The following HECTD2 variants were observed in gnomAD, a reference collection of about 807,000 sequenced individuals.
HECTD2 encodes probable E3 ubiquitin-protein ligase HECTD2.
A neutral mutation model predicts 103.2 loss-of-function variants in HECTD2; 35 were observed. That is an observed-to-expected ratio of 0.34 (90% CI 0.26 to 0.45). The LOEUF (loss-of-function observed/expected upper bound fraction) is 0.45, where lower values mean the gene tolerates loss of function less well. HECTD2 is among the 20% of genes least tolerant of loss of function. The pLI, the probability that HECTD2 is intolerant of heterozygous loss-of-function variation, is 1.00. For missense variants in HECTD2, 596 were observed against 937.4 expected, an observed-to-expected ratio of 0.64 and a Z score of 4.76; for synonymous variants, 281 against 329.9, an observed-to-expected ratio of 0.85 and a Z score of 1.61.
intron 18 of HECTD2, 100 bp from the exon 19 acceptor site, chr10:91,500,402 G>T: frequency 2.0e-5 from 8 of 408,008 alleles, no homozygotes; most frequent in Non-Finnish European, 3.8e-5. Context: ...TTTACTATGA[G>T]AAATCATGAC....
intron 12 of HECTD2, among the ~76,000 whole-genome samples, chr10:91,491,550 G>C (rs967465481): frequency 1.3e-5 from 2 of 152,050 alleles, no homozygotes; most frequent in African/African-American, 4.8e-5. Flanking sequence ...TAATTCCCTA[G>C]AAAAGGATTT....
chr10:91,432,790 T>C (rs572061581), intron 2 of HECTD2, among the ~76,000 whole-genome samples: 1 of 152,044 alleles, frequency 6.6e-6, no homozygotes, highest in Admixed American at 6.6e-5. Flanking sequence ...AGAACCTTGA[T>C]ATGACATAAT....
At chr10:91,425,251 A>G in intron 1 of HECTD2, 30 bp from the exon 2 acceptor site, 1 of 1,429,716 alleles carries the variant, frequency 7.0e-7, no homozygotes, top group African/African-American at 1.4e-5. Flanking sequence ...AGTAGGAAGT[A>G]TACTGCAATG....
chr10:91,507,775 A>T (rs1847249772), intron 20 of HECTD2, among the ~76,000 whole-genome samples: 1 of 130,746 alleles, frequency 7.6e-6, no homozygotes, highest in African/African-American at 3.5e-5. Context: ...AAACTACTTT[A>T]AAGTTCATAT....
At chr10:91,472,374 A>T (rs990042774) in intron 5 of HECTD2, among the ~76,000 whole-genome samples, 1 of 152,238 alleles carries the variant, frequency 6.6e-6, no homozygotes, top group South Asian at 2.1e-4. Context: ...CCTAGGAAAT[A>T]TCATTCTGGA....
At chr10:91,471,821 A>T (rs1845738778) in intron 5 of HECTD2, among the ~76,000 whole-genome samples, 1 of 152,226 alleles carries the variant, frequency 6.6e-6, no homozygotes, top group African/African-American at 2.4e-5. Context: ...ATGAACAAAC[A>T]AATGGTAAAA....
chr10:91,415,383 T>A (rs1209080736), intron 1 of HECTD2, among the ~76,000 whole-genome samples: 2 of 152,146 alleles, frequency 1.3e-5, no homozygotes, highest in African/African-American at 4.8e-5. Context: ...ACTACAGATA[T>A]TACAAATATA....
chr10:91,420,598 A>G (rs917124213), intron 1 of HECTD2, among the ~76,000 whole-genome samples: 6 of 152,048 alleles, frequency 3.9e-5, no homozygotes, highest in Non-Finnish European at 8.8e-5. Flanking sequence ...AAAAGAAAAA[A>G]AAAAAAAGAA....
chr10:91,461,812 G>A (rs1343987156), intron 4 of HECTD2, among the ~76,000 whole-genome samples: 1 of 152,086 alleles, frequency 6.6e-6, no homozygotes, highest in Non-Finnish European at 1.5e-5. Flanking sequence ...GCCTCCCAAA[G>A]TTGCTGGGAT....
intron 4 of HECTD2, 81 bp downstream of exon 4, chr10:91,461,437 C>T: frequency 1.5e-6 from 1 of 665,580 alleles, no homozygotes; most frequent in Middle Eastern, 2.8e-4. Flanking sequence ...TCATTTTCTA[C>T]CCAATATTGA....
At chr10:91,478,113 A>G in intron 5 of HECTD2, 88 bp from the exon 6 acceptor site, 1 of 866,234 alleles carries the variant, frequency 1.2e-6, no homozygotes, top group Middle Eastern at 2.3e-4. Context: ...GATTTTAACT[A>G]TTGAAACAGA....
At chr10:91,467,548 C>A (rs75499195) in intron 5 of HECTD2, among the ~76,000 whole-genome samples, 3 of 152,260 alleles carry the variant, frequency 2.0e-5, no homozygotes, top group Non-Finnish European at 4.4e-5. Context: ...AACCAAGGTA[C>A]TTCCTGGGGC....
At chr10:91,477,305 A>C (rs1429784256) in intron 5 of HECTD2, among the ~76,000 whole-genome samples, 3 of 152,256 alleles carry the variant, frequency 2.0e-5, no homozygotes, top group African/African-American at 7.2e-5. Flanking sequence ...AAGGTTTGAA[A>C]TATAGTTGTC....
chr10:91,432,213 A>G (rs946151145), intron 2 of HECTD2, among the ~76,000 whole-genome samples: 4 of 151,880 alleles, frequency 2.6e-5, no homozygotes, highest in African/African-American at 9.7e-5. Context: ...TTTTTCAAAG[A>G]TGCCTCATTC....
chr10:91,497,284 TTTC>T (rs1846711110), intron 15 of HECTD2, among the ~76,000 whole-genome samples: 1 of 142,046 alleles, frequency 7.0e-6, no homozygotes, highest in South Asian at 2.2e-4. Flanking sequence ...CCAGAAAATG[TTTC>T]TTTTTTTTTT....
intron 2 of HECTD2, among the ~76,000 whole-genome samples, chr10:91,444,356 C>T (rs1194903511): frequency 6.6e-6 from 1 of 152,110 alleles, no homozygotes; most frequent in Non-Finnish European, 1.5e-5. Flanking sequence ...TGGAGAGATT[C>T]TTACATAAGA....
intron 2 of HECTD2, among the ~76,000 whole-genome samples, chr10:91,456,183 A>G (rs995082127): frequency 3.3e-5 from 5 of 152,064 alleles, no homozygotes; most frequent in African/African-American, 1.2e-4. Context: ...CCATTTTCAC[A>G]ATATTGATTC....
upstream of HECTD2, among the ~76,000 whole-genome samples, chr10:91,409,688 G>A (rs1429565905): frequency 6.6e-6 from 1 of 152,198 alleles, no homozygotes; most frequent in Non-Finnish European, 1.5e-5. Context: ...CCATCCAGGC[G>A]TGTACAAAAG....
intron 1 of HECTD2, among the ~76,000 whole-genome samples, chr10:91,424,050 G>C (rs1439531879): frequency 6.6e-6 from 1 of 152,118 alleles, no homozygotes; most frequent in Admixed American, 6.6e-5. Context: ...TAATGATATA[G>C]TCTAACATTG....
Sources: gnomAD v4.1 joint callset for allele counts (sites outside exome capture counted in the v4.1 genomes callset) on GRCh38, gnomAD v4.1.1 for gene constraint, MANE v1.5 for transcripts, NCBI Gene and HGNC (gene_info 2026-07-23, HGNC 2026-07-21) for gene names.